Variants in TENM2 observed in about 807,000 individuals in gnomAD.
The protein encoded by TENM2 is teneurin transmembrane protein 2.
In TENM2, 52 loss-of-function variants were observed where a neutral mutation model predicts 245.2. That is an observed-to-expected ratio of 0.21 (90% confidence interval 0.17 to 0.27). The LOEUF (loss-of-function observed/expected upper bound fraction) is 0.27, where lower values mean the gene tolerates loss of function less well. Ranked by LOEUF, TENM2 falls within the 10% of genes least tolerant of loss-of-function variation. The pLI is 1.00. For missense variants in TENM2, 3,046 were observed against 3,666.8 expected (o/e 0.83, Z 4.37); for synonymous variants, 1,363 against 1,438.9 (o/e 0.95, Z 1.19).
chr5:167,578,200 A>G (rs1426814848), intron 2 of TENM2, among the ~76,000 whole-genome samples: 1 of 152,186 alleles, frequency 6.6e-6, no homozygotes. Flanking sequence ...CCTTCCCAGG[A>G]AATTCTGAAA....
chr5:167,595,935 G>A (rs1020629196), intron 2 of TENM2, among the ~76,000 whole-genome samples: 2 of 152,164 alleles, frequency 1.3e-5, no homozygotes, highest in Admixed American at 1.3e-4. Flanking sequence ...TGGAAAGACA[G>A]AGTGACTGTT....
At chr5:167,218,824 T>C in the TENM2 span, among the ~76,000 whole-genome samples, 375 of 152,312 alleles carry the variant, frequency 2.5e-3, 3 homozygotes, top group African/African-American at 8.4e-3. Context: ...TTTTCAGTTC[T>C]TGATGTATAT....
chr5:167,009,627 T>C, the TENM2 span, among the ~76,000 whole-genome samples: 1 of 152,330 alleles, frequency 6.6e-6, no homozygotes, highest in Middle Eastern at 3.4e-3. Context: ...AAAGCTTCTT[T>C]GGCCTTGGGG....
intron 2 of TENM2, among the ~76,000 whole-genome samples, chr5:167,648,586 G>A (rs1040118039): frequency 4.6e-5 from 7 of 152,174 alleles, no homozygotes; most frequent in African/African-American, 1.7e-4. Context: ...ACTCCAGCAA[G>A]TTATTTGGAA....
At chr5:167,925,670 C>A (rs1027609740) in intron 3 of TENM2, among the ~76,000 whole-genome samples, 3 of 152,166 alleles carry the variant, frequency 2.0e-5, no homozygotes, top group African/African-American at 7.2e-5. Flanking sequence ...TTCATCGCAG[C>A]ACTATTCACA....
intron 2 of TENM2, among the ~76,000 whole-genome samples, chr5:167,432,192 A>G (rs1326832684): frequency 6.6e-6 from 1 of 151,518 alleles, no homozygotes; most frequent in Non-Finnish European, 1.5e-5. Context: ...TGAGTGGTTT[A>G]CCTCCATAAA....
At chr5:167,599,899 A>G (rs1318208506) in intron 2 of TENM2, among the ~76,000 whole-genome samples, 1 of 152,052 alleles carries the variant, frequency 6.6e-6, no homozygotes, top group Non-Finnish European at 1.5e-5. Flanking sequence ...GCAGTCTCCC[A>G]CTTTGGGAGA....
chr5:168,143,708 A>C (rs1377226801), intron 12 of TENM2, among the ~76,000 whole-genome samples: 1 of 152,152 alleles, frequency 6.6e-6, no homozygotes, highest in Admixed American at 6.5e-5. Flanking sequence ...AGGAGTTTGC[A>C]AGTTTCACAT....
chr5:167,259,670 A>G, the TENM2 span, among the ~76,000 whole-genome samples: 1 of 152,164 alleles, frequency 6.6e-6, no homozygotes, highest in African/African-American at 2.4e-5. Flanking sequence ...ACATTAAAAG[A>G]AAGAGTGGCT....
At chr5:168,065,671 A>G (rs1174463618) in intron 7 of TENM2, among the ~76,000 whole-genome samples, 1 of 152,038 alleles carries the variant, frequency 6.6e-6, no homozygotes, top group Non-Finnish European at 1.5e-5. Flanking sequence ...CTAAAGAAAA[A>G]ACTACATTTC....
the TENM2 span, among the ~76,000 whole-genome samples, chr5:167,039,894 T>C: frequency 6.6e-6 from 1 of 152,158 alleles, no homozygotes; most frequent in East Asian, 1.9e-4. Context: ...TCCACAAATA[T>C]ACATTCTGAG....
At chr5:167,141,239 A>G in the TENM2 span, among the ~76,000 whole-genome samples, 2 of 152,326 alleles carry the variant, frequency 1.3e-5, no homozygotes, top group African/African-American at 2.4e-5. Flanking sequence ...TAATTATCCA[A>G]ACATTTCTGT....
the TENM2 span, among the ~76,000 whole-genome samples, chr5:167,055,434 A>G: frequency 6.6e-6 from 1 of 152,048 alleles, no homozygotes. Context: ...CACAGTCTCA[A>G]TTATTATAGC....
At chr5:168,193,631 T>A (rs1415408153) in intron 14 of TENM2, among the ~76,000 whole-genome samples, 1 of 152,128 alleles carries the variant, frequency 6.6e-6, no homozygotes, top group Non-Finnish European at 1.5e-5. Flanking sequence ...CAGGAATGAT[T>A]TAAAAGAAAT....
intron 2 of TENM2, among the ~76,000 whole-genome samples, chr5:167,551,382 A>C: frequency 6.6e-6 from 1 of 152,192 alleles, no homozygotes; most frequent in East Asian, 1.9e-4. Flanking sequence ...AAAGCAAAAC[A>C]TAAGGCTATA....
intron 2 of TENM2, among the ~76,000 whole-genome samples, chr5:167,566,273 C>A (rs543678143): frequency 1.8e-4 from 28 of 151,774 alleles, no homozygotes; most frequent in African/African-American, 6.5e-4. Flanking sequence ...CTTTGCAAAT[C>A]TTGAAAGTAG....
intron 2 of TENM2, among the ~76,000 whole-genome samples, chr5:167,727,353 C>T (rs1352139317): frequency 2.0e-5 from 3 of 152,088 alleles, no homozygotes; most frequent in Non-Finnish European, 2.9e-5. Flanking sequence ...ACCTCGTGAT[C>T]CTCCCGCCTC....
At chr5:167,870,821 C>T (rs1171696031) in intron 2 of TENM2, among the ~76,000 whole-genome samples, 2 of 151,652 alleles carry the variant, frequency 1.3e-5, no homozygotes, top group African/African-American at 4.8e-5. Context: ...TTTGCTTCAT[C>T]AAATATCCTG....
chr5:168,231,732 G>A (rs548129400), intron 25 of TENM2, among the ~76,000 whole-genome samples: 13 of 148,284 alleles, frequency 8.8e-5, no homozygotes, highest in Admixed American at 1.3e-4. Context: ...TAGCAAAACC[G>A]CAATATAGCA....
Sources: allele counts gnomAD v4.1 joint callset (sites outside exome capture counted in the v4.1 genomes callset), GRCh38; gene constraint gnomAD v4.1.1; transcripts MANE v1.5; gene names NCBI Gene and HGNC (gene_info 2026-07-23, HGNC 2026-07-21).